MEGF11: variants seen among roughly 807,000 people sequenced by gnomAD.
MEGF11 encodes multiple EGF like domains 11.
Under a neutral mutation model 146.6 loss-of-function variants are expected in MEGF11, and 126 were observed. That is an observed-to-expected ratio of 0.86 (90% confidence interval 0.74 to 1.00). The LOEUF is 1.00. MEGF11 is among the 50% of genes least tolerant of loss of function. The probability of loss-of-function intolerance (pLI) is 0.00; values close to 1 mark genes in which losing one functional copy is unlikely to be tolerated. For missense variants in MEGF11, 1,509 were observed against 1,521.2 expected (o/e 0.99, Z 0.13); for synonymous variants, 532 against 583.4 (o/e 0.91, Z 1.27).
intron 10 of MEGF11, among the ~76,000 whole-genome samples, chr15:65,954,232 C>T (rs990437385): frequency 6.6e-6 from 1 of 152,132 alleles, no homozygotes; most frequent in East Asian, 1.9e-4. Flanking sequence ...GATAAAGGCG[C>T]GTACATACAT....
chr15:66,217,001 G>A (rs2091602529), intron 1 of MEGF11, among the ~76,000 whole-genome samples: 1 of 152,242 alleles, frequency 6.6e-6, no homozygotes, highest in Non-Finnish European at 1.5e-5. Flanking sequence ...CATGGGACTG[G>A]CCGAGGCCTT....
At chr15:66,030,130 A>G (rs898174614) in intron 5 of MEGF11, among the ~76,000 whole-genome samples, 1 of 152,144 alleles carries the variant, frequency 6.6e-6, no homozygotes, top group Non-Finnish European at 1.5e-5. Flanking sequence ...ACACCTGAGC[A>G]CACACAGAGA....
At chr15:66,004,612 G>A (rs961176081) in intron 5 of MEGF11, among the ~76,000 whole-genome samples, 4 of 152,008 alleles carry the variant, frequency 2.6e-5, no homozygotes, top group Admixed American at 6.6e-5. Flanking sequence ...CTGCACTTAC[G>A]GAGATGCTGT....
intron 1 of MEGF11, among the ~76,000 whole-genome samples, chr15:66,251,960 G>T (rs2092377126): frequency 6.6e-6 from 1 of 152,238 alleles, no homozygotes; most frequent in South Asian, 2.1e-4. Flanking sequence ...CGCCCTCGGG[G>T]CACCCCGCCC....
intron 25 of MEGF11, 185 bp from the exon 26 acceptor site, chr15:65,898,279 A>G: frequency 3.0e-6 from 3 of 985,432 alleles, no homozygotes; most frequent in Non-Finnish European, 3.6e-6. Flanking sequence ...TGCTGTCAAC[A>G]TCCAAGCCTC....
At chr15:66,113,842 C>T (rs1432501303) in intron 4 of MEGF11, among the ~76,000 whole-genome samples, 1 of 151,820 alleles carries the variant, frequency 6.6e-6, no homozygotes, top group Admixed American at 6.6e-5. Flanking sequence ...GATTGCACCA[C>T]TGCACTCCAG....
intron 3 of MEGF11, among the ~76,000 whole-genome samples, chr15:66,122,736 T>G (rs548407776): frequency 6.6e-6 from 1 of 152,268 alleles, no homozygotes; most frequent in South Asian, 2.1e-4. Context: ...CCGTGGACAC[T>G]GCAGGGTAGG....
At chr15:66,135,922 A>G (rs1463780107) in intron 1 of MEGF11, among the ~76,000 whole-genome samples, 3 of 152,174 alleles carry the variant, frequency 2.0e-5, no homozygotes, top group African/African-American at 7.2e-5. Flanking sequence ...GGCTGGAGTC[A>G]GACTACATCA....
intron 18 of MEGF11, 109 bp downstream of exon 18, chr15:65,916,039 A>G (rs1236033770): frequency 7.5e-7 from 1 of 1,341,690 alleles, no homozygotes; most frequent in Admixed American, 3.0e-5. Context: ...AAGTCAAGGG[A>G]CCAAGGGGTA....
intron 5 of MEGF11, among the ~76,000 whole-genome samples, chr15:66,010,161 T>TAAAAAAAAAAAA (rs11302321): frequency 7.9e-6 from 1 of 126,162 alleles, no homozygotes; most frequent in African/African-American, 3.0e-5. Context: ...GCTGATTAGC[T>TAAAAAAAAAAAA]AAAAAAAAAA....
intron 5 of MEGF11, among the ~76,000 whole-genome samples, chr15:65,987,781 G>T (rs1180899743): frequency 6.6e-6 from 1 of 151,884 alleles, no homozygotes; most frequent in Non-Finnish European, 1.5e-5. Flanking sequence ...TGCGATCTTG[G>T]CTCACTGCAA....
chr15:66,118,121 A>G (rs2087823558), intron 4 of MEGF11, among the ~76,000 whole-genome samples: 1 of 152,166 alleles, frequency 6.6e-6, no homozygotes, highest in Non-Finnish European at 1.5e-5. Flanking sequence ...TGGGGGTGGA[A>G]TCTCTTCTCA....
chr15:65,919,473 T>TA (rs2079105465), intron 15 of MEGF11, among the ~76,000 whole-genome samples: 1 of 152,244 alleles, frequency 6.6e-6, no homozygotes, highest in Non-Finnish European at 1.5e-5. Context: ...TGTAGTCTAT[T>TA]AAGTGTGCAA....
intron 1 of MEGF11, among the ~76,000 whole-genome samples, chr15:66,241,366 A>C (rs1173671529): frequency 6.6e-6 from 1 of 152,194 alleles, no homozygotes; most frequent in African/African-American, 2.4e-5. Flanking sequence ...GAAAGAATAA[A>C]ACAGAGAAAA....
intron 10 of MEGF11, among the ~76,000 whole-genome samples, chr15:65,931,274 G>A (rs564984451): frequency 7.4e-4 from 112 of 152,274 alleles, no homozygotes; most frequent in African/African-American, 2.6e-3. Flanking sequence ...ATGGAGGAAG[G>A]GGCCACGAGC....
At chr15:66,232,973 G>A (rs987255847) in intron 1 of MEGF11, among the ~76,000 whole-genome samples, 2 of 152,280 alleles carry the variant, frequency 1.3e-5, no homozygotes, top group Admixed American at 6.5e-5. Context: ...GGTTACGAAC[G>A]AGGATGCCAT....
rs755103840 is a variant in MEGF11, at chr15:65,970,673, T to C, written c.779A>G (p.Gln260Arg). The C allele has an allele frequency of 8.7e-6, 14 of 1,611,936 alleles. No individual in the cohort carries two copies. The highest frequency in any genetic ancestry group is 1.2e-5 in the Non-Finnish European group (14 of 1,179,080). ...PPGWTGAVCA[Q>R]PCPPGTFGQN... ...GCCAAATGTCCCTGGTGGGCAGGGC[T>C]GGGCACACACTGCTCCCTAAAAGAA... Residue 260 changes from glutamine (Q) to arginine (R), a missense_variant, in exon 8 of 26, where the codon CAG becomes CGG. Gln to Arg is a conservative substitution (Grantham distance 43). Coordinates refer to ENST00000395614, the MANE Select transcript of MEGF11 (RefSeq NM_001385028.1).
At chr15:66,092,727 G>A (rs1308363274) in intron 5 of MEGF11, among the ~76,000 whole-genome samples, 6 of 152,264 alleles carry the variant, frequency 3.9e-5, no homozygotes, top group East Asian at 1.9e-4. Context: ...AGCATAGAGC[G>A]AGCACTAAAC....
chr15:66,012,018 C>T (rs1245944937), intron 5 of MEGF11, among the ~76,000 whole-genome samples: 1 of 151,588 alleles, frequency 6.6e-6, no homozygotes, highest in Non-Finnish European at 1.5e-5. Context: ...TCACTTGAGC[C>T]CAGAAGTTTG....
Sources: gnomAD v4.1 joint callset for allele counts (sites outside exome capture counted in the v4.1 genomes callset) on GRCh38, gnomAD v4.1.1 for gene constraint, MANE v1.5 for transcripts, NCBI Gene and HGNC (gene_info 2026-07-23, HGNC 2026-07-21) for gene names.